ANXA11: variants seen among roughly 807,000 people sequenced by gnomAD.
The protein encoded by ANXA11 is 56 kDa autoantigen.
A neutral mutation model predicts 64.7 loss-of-function variants in ANXA11; 57 were observed. The observed-to-expected ratio is 0.88, with a 90% CI of 0.71 to 1.10. ANXA11 has a LOEUF of 1.10. Ranked by LOEUF, ANXA11 falls within the 50% of genes least tolerant of loss-of-function variation. The pLI, the probability that ANXA11 is intolerant of heterozygous loss-of-function variation, is 0.00. For synonymous variants in ANXA11, 260 were observed against 265.2 expected (o/e 0.98, Z 0.19); for missense variants, 675 against 670.7 (o/e 1.01, Z -0.07).
rs1187189239 is a variant in ANXA11 at position 80,161,950 on chromosome 10, C to A, written c.1165G>T (p.Ala389Ser). 2.5e-6 allele frequency: 4 copies of A among 1,611,852 alleles called. No individual in the cohort carries two copies. Among genetic ancestry groups the A allele is most frequent in the Non-Finnish European group, 3.4e-6 (4 of 1,179,400 alleles). The change falls in exon 12 of 16, where the codon GCC (alanine) becomes TCC (serine). Residue 389 changes from alanine to serine, a missense_variant. Physicochemically the swap from Ala to Ser is moderately conservative, Grantham distance 99. Coordinates refer to ENST00000422982, the MANE Select transcript of ANXA11 (RefSeq NM_145868.2). The stretch of plus-strand genomic sequence containing the variant: ...CCTGCCTTACCTGCTACCAGGTGGG[C>A]CCGGCTCCGGGAGCACAGAACCGCA... ...FNAVLCSRSR[A>S]HLVAVFNEYQ... is the part of the protein sequence containing the mutation.
intron 12 of ANXA11, among the ~76,000 whole-genome samples, chr10:80,160,658 CCA>C (rs1211723335): frequency 6.6e-6 from 1 of 152,080 alleles, no homozygotes; most frequent in Non-Finnish European, 1.5e-5. Flanking sequence ...GGTGGGCTCC[CCA>C]CAGTCTCCCT....
intron 4 of ANXA11, among the ~76,000 whole-genome samples, chr10:80,170,523 C>T (rs889287596): frequency 6.6e-6 from 1 of 152,202 alleles, no homozygotes; most frequent in Non-Finnish European, 1.5e-5. Flanking sequence ...CCCTCGCCAC[C>T]TTCCCAACCC....
chr10:80,201,790 C>A (rs1840435433), intron 1 of ANXA11, among the ~76,000 whole-genome samples: 1 of 152,166 alleles, frequency 6.6e-6, no homozygotes, highest in African/African-American at 2.4e-5. Flanking sequence ...ACCCTTTCCC[C>A]CAGTGGTGCC....
intron 1 of ANXA11, among the ~76,000 whole-genome samples, chr10:80,200,885 A>G (rs949759402): frequency 6.6e-6 from 1 of 152,176 alleles, no homozygotes; most frequent in Non-Finnish European, 1.5e-5. Context: ...ATTCATGAGA[A>G]TGAATCCACT....
intron 3 of ANXA11, among the ~76,000 whole-genome samples, chr10:80,172,561 C>T (rs548744855): frequency 2.0e-4 from 30 of 152,140 alleles, no homozygotes; most frequent in Non-Finnish European, 3.8e-4. Flanking sequence ...GAGACCCAGC[C>T]CTGGGCCTGG....
rs1442504441 is a variant in ANXA11, at chr10:80,155,882, G to A, written c.1489C>T (p.Leu497=). 6.2e-7 allele frequency: 1 copy of A among 1,614,120 alleles called. No individual in the cohort carries two copies. The highest frequency in any genetic ancestry group is 2.2e-5 in the East Asian group (1 of 44,900). Residue 497 remains leucine, a synonymous_variant, in exon 16 of 16, where the codon CTG becomes TTG. Transcript: ENST00000422982. Reference sequence around the variant, plus strand: ...TCATTGCCACCACAGATCTTCAGCAGAATCTTCCGGTAATCCCCTGAAGTA... The same window carrying A: ...TCATTGCCACCACAGATCTTCAGCAAAATCTTCCGGTAATCCCCTGAAGTA... ...GDTSGDYRKI[L]LKICGGND
At position 80,161,994 on chromosome 10, in the gene ANXA11, G is replaced by C; in HGVS notation, c.1121C>G (p.Thr374Arg). ...LYAAGENRLGTDESKFNAVLC... is the reference protein window; with the variant it reads ...LYAAGENRLGRDESKFNAVLC... ...AACCGCATTGAACTTGGACTCGTCT[G>C]TTCCCAGGCGGTTCTCCCCGGCCGC... The change falls in exon 12 of 16, where the codon ACA becomes AGA. Residue 374 changes from threonine (T) to arginine (R), a missense_variant. Physicochemically the swap from Thr to Arg is moderately conservative, Grantham distance 71. Transcript: ENST00000422982. 1 of 1,612,334 alleles carries C rather than the reference G, an allele frequency of 6.2e-7. No individual in the cohort carries two copies. The highest frequency in any genetic ancestry group is 8.5e-7 in the Non-Finnish European group (1 of 1,179,826).
intron 1 of ANXA11, among the ~76,000 whole-genome samples, chr10:80,189,118 G>A (rs946755419): frequency 1.3e-5 from 2 of 152,214 alleles, no homozygotes; most frequent in Non-Finnish European, 2.9e-5. Context: ...GCCATGAAAT[G>A]GGGAGACTAG....
At chr10:80,197,793 G>A (rs1038089034) in intron 1 of ANXA11, among the ~76,000 whole-genome samples, 3 of 152,090 alleles carry the variant, frequency 2.0e-5, no homozygotes, top group Non-Finnish European at 4.4e-5. Context: ...GCGCAGTGGC[G>A]GGCGCCTGTA....
intron 9 of ANXA11, 100 bp downstream of exon 9, chr10:80,163,953 A>G: frequency 9.8e-7 from 1 of 1,015,448 alleles, no homozygotes; most frequent in Non-Finnish European, 1.5e-6. Context: ...TAAGAAGGCC[A>G]GGAAGGAGTA....
chr10:80,200,131 T>G (rs1840355439), intron 1 of ANXA11, among the ~76,000 whole-genome samples: 1 of 152,164 alleles, frequency 6.6e-6, no homozygotes, highest in Admixed American at 6.5e-5. Flanking sequence ...AAATCTCATT[T>G]TATCCACCCC....
At position 80,201,350 on chromosome 10, in the gene ANXA11, C is replaced by T. The variant is rs78143513; in HGVS notation, c.-58+3993G>A. ...TCCTTTATAGGCTCATCTTCCTTTA[C>T]TCAGCTGTTCGAGGTGAGTTCTTCA... On this transcript the variant is annotated intron_variant, in intron 1 of 15. Coordinates refer to ENST00000422982, the MANE Select transcript of ANXA11 (RefSeq NM_145868.2). Among the ~76,000 whole-genome samples the T allele has an allele frequency of 5.9e-3, 896 of 152,276 alleles. 5 individuals carry two copies. The highest frequency in any genetic ancestry group is 0.02 in the African/African-American group (837 of 41,554).
intron 15 of ANXA11, chr10:80,156,502 T>C (rs773926815): frequency 2.1e-6 from 1 of 469,024 alleles, no homozygotes; most frequent in Admixed American, 2.4e-5. Flanking sequence ...AGATACTCTG[T>C]AATGAATTAT....
At chr10:80,157,188 A>G (rs1347004689) in intron 15 of ANXA11, 1 of 983,658 alleles carries the variant, frequency 1.0e-6, no homozygotes, top group African/African-American at 1.7e-5. Context: ...TAGCAAGTAG[A>G]AAAGCTGGAC....
intron 3 of ANXA11, chr10:80,171,800 G>A: frequency 1.0e-6 from 1 of 985,520 alleles, no homozygotes; most frequent in Non-Finnish European, 1.2e-6. Context: ...CTGCTCAGCT[G>A]TGCTAGCAAA....
rs376805720 is a variant in ANXA11 at position 80,172,799 on chromosome 10, C to T, written c.55+8G>A. 3.2e-5 allele frequency: 51 copies of T among 1,613,934 alleles called. No homozygotes were observed. The South Asian group carries it at 5.2e-4, about 16-fold the overall frequency. ...ATTCACTCTCCTCCCCACCCCAGAC[C>T]CTCTTACCTGGTGCAGCTGGTGGGT... On this transcript the variant is annotated splice_region_variant and intron_variant, in intron 3 of 15. Transcript: ENST00000422982.
At chr10:80,202,133 C>T (rs780721289) in intron 1 of ANXA11, among the ~76,000 whole-genome samples, 1 of 143,468 alleles carries the variant, frequency 7.0e-6, no homozygotes, top group Non-Finnish European at 1.5e-5. Flanking sequence ...AACCCCTTTG[C>T]AAACATCTTC....
chr10:80,195,135 C>T (rs1278831432), intron 1 of ANXA11, among the ~76,000 whole-genome samples: 1 of 152,196 alleles, frequency 6.6e-6, no homozygotes, highest in Non-Finnish European at 1.5e-5. Context: ...AGCCAGTCCT[C>T]GGGGCCTGTT....
At chr10:80,171,684 C>A in intron 3 of ANXA11, 1 of 985,504 alleles carries the variant, frequency 1.0e-6, no homozygotes, top group Non-Finnish European at 1.2e-6. Flanking sequence ...TAGATGCTTT[C>A]CTCTACATGG....
Sources: allele counts gnomAD v4.1 joint callset (sites outside exome capture counted in the v4.1 genomes callset), GRCh38; gene constraint gnomAD v4.1.1; transcripts MANE v1.5; gene names NCBI Gene and HGNC (gene_info 2026-07-23, HGNC 2026-07-21).